Variants in IL1RAPL2 observed in about 807,000 individuals in gnomAD.
The protein encoded by IL1RAPL2 is X-linked interleukin-1 receptor accessory protein-like 2.
A neutral mutation model predicts 44.1 loss-of-function variants in IL1RAPL2; 3 were observed. The ratio of observed to expected loss-of-function variants is 0.07; its 90% confidence interval spans 0.03 to 0.18. IL1RAPL2 has a LOEUF of 0.18. Among genes scored for constraint, IL1RAPL2 ranks in the 10% least tolerant of loss-of-function variants. IL1RAPL2 has a pLI of 1.00. For missense variants in IL1RAPL2, 391 were observed against 496.4 expected (o/e 0.79, Z 2.02); for synonymous variants, 181 against 178.8 (o/e 1.01, Z -0.10).
intron 2 of IL1RAPL2, among the ~76,000 whole-genome samples, chrX:104,740,582 C>G (rs1326749722): frequency 1.8e-5 from 2 of 110,634 alleles, no homozygotes; most frequent in Admixed American, 9.7e-5. Context: ...TTCTATCTAC[C>G]TTTCCTTTTT....
At chrX:105,453,702 A>C (rs370886361) in intron 5 of IL1RAPL2, among the ~76,000 whole-genome samples, 1 of 111,943 alleles carries the variant, frequency 8.9e-6, no homozygotes, top group African/African-American at 3.3e-5. Flanking sequence ...CTCTAGGGCA[A>C]GGAAAATAGT....
At chrX:105,637,742 G>A (rs1400380352) in intron 6 of IL1RAPL2, among the ~76,000 whole-genome samples, 1 of 108,543 alleles carries the variant, frequency 9.2e-6, no homozygotes, top group African/African-American at 3.4e-5. Context: ...ACTATGGTTA[G>A]ACATAAGGAA....
At chrX:104,735,679 A>C (rs937961578) in intron 2 of IL1RAPL2, among the ~76,000 whole-genome samples, 10 of 111,622 alleles carry the variant, frequency 9.0e-5, no homozygotes, top group African/African-American at 3.3e-4. Context: ...TTGATTTTGA[A>C]CATGATTAAA....
At chrX:105,630,347 CACA>C (rs1345513821) in intron 6 of IL1RAPL2, among the ~76,000 whole-genome samples, 1 of 111,430 alleles carries the variant, frequency 9.0e-6, no homozygotes, top group Non-Finnish European at 1.9e-5. Flanking sequence ...CTTCAATTAT[CACA>C]ACAACCCCAG....
chrX:104,611,227 G>A (rs1929150260), intron 1 of IL1RAPL2, among the ~76,000 whole-genome samples: 1 of 111,444 alleles, frequency 9.0e-6, no homozygotes, highest in Non-Finnish European at 1.9e-5. Flanking sequence ...TGTCAGGCTG[G>A]GATGTTTAAG....
intron 6 of IL1RAPL2, among the ~76,000 whole-genome samples, chrX:105,665,726 G>GTTTTTTTTTT (rs745949698): frequency 5.3e-5 from 4 of 75,207 alleles, no homozygotes; most frequent in South Asian, 5.7e-4. Context: ...TTTTATTTTT[G>GTTTTTTTTTT]TTTTTTTGTT....
At chrX:105,145,710 A>G (rs2033173457) in intron 2 of IL1RAPL2, among the ~76,000 whole-genome samples, 1 of 111,077 alleles carries the variant, frequency 9.0e-6, no homozygotes, top group Non-Finnish European at 1.9e-5. Context: ...GGTTTACTAC[A>G]GTGATCCAGC....
chrX:105,030,861 C>T (rs2031478862), intron 2 of IL1RAPL2, among the ~76,000 whole-genome samples: 1 of 111,806 alleles, frequency 8.9e-6, no homozygotes, highest in Admixed American at 9.5e-5. Flanking sequence ...GATATTGATT[C>T]TTCCTACCCA....
intron 5 of IL1RAPL2, among the ~76,000 whole-genome samples, chrX:105,291,355 A>G (rs1032068088): frequency 1.8e-5 from 2 of 111,879 alleles, no homozygotes; most frequent in Non-Finnish European, 1.9e-5. Flanking sequence ...GTGTTTCACA[A>G]TTTGTCTCAG....
At chrX:105,257,087 C>A (rs1186683365) in intron 4 of IL1RAPL2, among the ~76,000 whole-genome samples, 1 of 111,579 alleles carries the variant, frequency 9.0e-6, no homozygotes, top group African/African-American at 3.3e-5. Context: ...TGCTGTGAAT[C>A]TCCCCTTAAC....
At chrX:105,121,889 G>A (rs1569386900) in intron 2 of IL1RAPL2, among the ~76,000 whole-genome samples, 1 of 111,037 alleles carries the variant, frequency 9.0e-6, no homozygotes, top group Admixed American at 9.6e-5. Context: ...TACTTCCCTT[G>A]TGTATGCCTC....
intron 1 of IL1RAPL2, among the ~76,000 whole-genome samples, chrX:104,649,889 G>A (rs1930120285): frequency 9.0e-6 from 1 of 111,715 alleles, no homozygotes; most frequent in Non-Finnish European, 1.9e-5. Context: ...AAGTGAAAAA[G>A]GTAATTTGCA....
intron 6 of IL1RAPL2, among the ~76,000 whole-genome samples, chrX:105,578,975 C>T (rs1279130009): frequency 9.0e-6 from 1 of 111,594 alleles, no homozygotes; most frequent in Admixed American, 9.6e-5. Context: ...AAGTATTCAG[C>T]CATCTCCCCT....
intron 2 of IL1RAPL2, among the ~76,000 whole-genome samples, chrX:104,789,857 C>A (rs1357320879): frequency 8.9e-6 from 1 of 112,517 alleles, no homozygotes; most frequent in Non-Finnish European, 1.9e-5. Context: ...GCAAGGCCAT[C>A]CCCTTAAGAG....
At chrX:105,350,530 C>G (rs1286221836) in intron 5 of IL1RAPL2, among the ~76,000 whole-genome samples, 1 of 111,888 alleles carries the variant, frequency 8.9e-6, no homozygotes, top group Admixed American at 9.5e-5. Flanking sequence ...TCAAGAGCAG[C>G]CTGACCAACA....
At chrX:104,909,450 C>T (rs1195125209) in intron 2 of IL1RAPL2, among the ~76,000 whole-genome samples, 2 of 111,801 alleles carry the variant, frequency 1.8e-5, no homozygotes, top group East Asian at 5.7e-4. Flanking sequence ...TTTTTCTGTT[C>T]TGTTTTTTCC....
chrX:105,401,015 C>T (rs770643377), intron 5 of IL1RAPL2, among the ~76,000 whole-genome samples: 2 of 111,136 alleles, frequency 1.8e-5, no homozygotes, highest in African/African-American at 6.5e-5. Context: ...ACTGTGTCCT[C>T]CAGAGGGGAG....
chrX:105,678,926 A>C (rs771756113), intron 6 of IL1RAPL2, among the ~76,000 whole-genome samples: 5 of 111,926 alleles, frequency 4.5e-5, no homozygotes, highest in Admixed American at 1.9e-4. Flanking sequence ...ATGTATGCAC[A>C]ATAAAAAAAT....
intron 6 of IL1RAPL2, among the ~76,000 whole-genome samples, chrX:105,642,271 C>T (rs1338392275): frequency 9.0e-6 from 1 of 111,472 alleles, no homozygotes; most frequent in African/African-American, 3.3e-5. Flanking sequence ...CCTAAGTGAC[C>T]AATTCTGGTT....
Sources: gnomAD v4.1 joint callset for allele counts (sites outside exome capture counted in the v4.1 genomes callset) on GRCh38, gnomAD v4.1.1 for gene constraint, MANE v1.5 for transcripts, NCBI Gene and HGNC (gene_info 2026-07-23, HGNC 2026-07-21) for gene names.